MED13L: variants seen among roughly 807,000 people sequenced by gnomAD.
The protein encoded by MED13L is mediator complex subunit 13L.
In MED13L, 7 loss-of-function variants were observed where a neutral mutation model predicts 220.9. The ratio of observed to expected loss-of-function variants is 0.03; its 90% CI spans 0.02 to 0.06. The LOEUF is 0.06. Among genes scored for constraint, MED13L ranks in the 10% least tolerant of loss-of-function variants. The probability of loss-of-function intolerance (pLI) is 1.00; values close to 1 mark genes in which losing one functional copy is unlikely to be tolerated. For synonymous variants in MED13L, 1,011 were observed against 1,015.2 expected, an observed-to-expected ratio of 1.00 and a Z score of 0.08; for missense variants, 1,965 against 2,760.5, an observed-to-expected ratio of 0.71 and a Z score of 6.46.
intron 2 of MED13L, among the ~76,000 whole-genome samples, chr12:116,200,811 T>G (rs188415618): frequency 6.1e-4 from 93 of 152,330 alleles, no homozygotes; most frequent in South Asian, 5.4e-3. Context: ...GCAAGTTAGA[T>G]TTTTTTAATA....
At chr12:116,040,153 T>C (rs1881439846) in intron 4 of MED13L, among the ~76,000 whole-genome samples, 1 of 152,228 alleles carries the variant, frequency 6.6e-6, no homozygotes, top group Non-Finnish European at 1.5e-5. Flanking sequence ...TTTTTTTCCT[T>C]AATTTTTGTT....
chr12:116,276,182 A>C (rs975051902), intron 1 of MED13L, among the ~76,000 whole-genome samples: 1 of 152,170 alleles, frequency 6.6e-6, no homozygotes, highest in South Asian at 2.1e-4. Flanking sequence ...TGACACCCTA[A>C]CTGCTTCAAG....
chr12:115,983,485 G>A lies in MED13L; in HGVS notation c.4587C>T (p.Tyr1529=), dbSNP rs1877480283. Residue 1529 remains tyrosine, a synonymous_variant, in exon 21 of 31, where the codon TAC becomes TAT. Transcript: ENST00000281928. ...LDSSLLIPPK[Y]QTPPAAAQGQ... Reference sequence around the variant, plus strand: ...CCTGTGCTGCTGCTGGTGGGGTCTGGTATTTAGGTGGTATCAATAGGCTGC... The same window carrying A: ...CCTGTGCTGCTGCTGGTGGGGTCTGATATTTAGGTGGTATCAATAGGCTGC... 1.9e-6 allele frequency: 3 copies of A among 1,614,124 alleles called. No homozygotes were observed. Among genetic ancestry groups the A allele is most frequent in the Non-Finnish European group, 2.5e-6 (3 of 1,180,000 alleles).
chr12:116,122,414 G>C (rs950317539), intron 2 of MED13L, among the ~76,000 whole-genome samples: 4 of 152,130 alleles, frequency 2.6e-5, no homozygotes, highest in Non-Finnish European at 4.4e-5. Context: ...ATCTATATTT[G>C]AAGTCATTAA....
At chr12:116,099,094 G>T (rs886451600) in intron 3 of MED13L, among the ~76,000 whole-genome samples, 4 of 152,172 alleles carry the variant, frequency 2.6e-5, no homozygotes, top group Admixed American at 2.6e-4. Context: ...AATAAAAGAT[G>T]AGTGTTACAA....
intron 2 of MED13L, among the ~76,000 whole-genome samples, chr12:116,233,975 C>T (rs1353222348): frequency 6.6e-6 from 1 of 151,884 alleles, no homozygotes; most frequent in African/African-American, 2.4e-5. Context: ...GTGTGTGTAC[C>T]CTGTAGGATT....
chr12:116,092,780 G>T (rs1026925440), intron 4 of MED13L, among the ~76,000 whole-genome samples: 3 of 151,978 alleles, frequency 2.0e-5, no homozygotes, highest in Non-Finnish European at 2.9e-5. Flanking sequence ...TGGTGGGGGG[G>T]GTGTGTGCAC....
chr12:116,076,858 T>G (rs1870843266), intron 4 of MED13L, among the ~76,000 whole-genome samples: 2 of 152,220 alleles, frequency 1.3e-5, no homozygotes, highest in African/African-American at 4.8e-5. Flanking sequence ...CACCATCTTT[T>G]ATACATCTTG....
At chr12:116,253,946 A>G (rs1230613904) in intron 1 of MED13L, among the ~76,000 whole-genome samples, 1 of 151,680 alleles carries the variant, frequency 6.6e-6, no homozygotes, top group African/African-American at 2.4e-5. Context: ...TTTTTAGTAG[A>G]GACGGGGTTT....
chr12:116,124,936 T>C (rs775133697), intron 2 of MED13L, among the ~76,000 whole-genome samples: 3 of 152,194 alleles, frequency 2.0e-5, no homozygotes, highest in Admixed American at 6.5e-5. Flanking sequence ...TGAAAGATCA[T>C]AGTTAAACCA....
At chr12:116,044,264 C>CA (rs145135904) in intron 4 of MED13L, among the ~76,000 whole-genome samples, 23,226 of 152,032 alleles carry the variant, frequency 0.15, 1,975 homozygotes, top group Middle Eastern at 0.23. Context: ...TAAGTGTTTT[C>CA]AAAAAAATTA....
chr12:116,061,663 T>C (rs780569255), intron 4 of MED13L, among the ~76,000 whole-genome samples: 4 of 152,136 alleles, frequency 2.6e-5, no homozygotes, highest in Non-Finnish European at 2.9e-5. Context: ...AGTTTGGGAA[T>C]AGATTTTAAA....
At chr12:116,209,304 G>A (rs539863921) in intron 2 of MED13L, among the ~76,000 whole-genome samples, 1 of 152,238 alleles carries the variant, frequency 6.6e-6, no homozygotes, top group South Asian at 2.1e-4. Context: ...ACAAACCAAG[G>A]AGGTGTACCT....
At chr12:115,973,155 G>T (rs930832341) in intron 25 of MED13L, among the ~76,000 whole-genome samples, 4 of 152,154 alleles carry the variant, frequency 2.6e-5, no homozygotes, top group African/African-American at 7.2e-5. Flanking sequence ...GGAACATGAA[G>T]AATGTTTGTT....
intron 2 of MED13L, among the ~76,000 whole-genome samples, chr12:116,135,164 G>T (rs55797727): frequency 6.6e-6 from 1 of 152,094 alleles, no homozygotes; most frequent in Non-Finnish European, 1.5e-5. Flanking sequence ...GCGAGACCCC[G>T]TCTCAAACAA....
intron 1 of MED13L, among the ~76,000 whole-genome samples, chr12:116,269,114 A>G (rs1321354554): frequency 1.3e-5 from 2 of 152,164 alleles, no homozygotes; most frequent in African/African-American, 4.8e-5. Context: ...GCTGGAGTGC[A>G]GTGGCACAAT....
intron 4 of MED13L, among the ~76,000 whole-genome samples, chr12:116,051,752 G>T (rs1868525138): frequency 6.6e-6 from 1 of 152,134 alleles, no homozygotes; most frequent in Non-Finnish European, 1.5e-5. Context: ...GTGAAACAAA[G>T]TTTTGACTGT....
intron 2 of MED13L, among the ~76,000 whole-genome samples, chr12:116,198,460 T>C (rs1307538411): frequency 2.6e-5 from 4 of 152,158 alleles, no homozygotes; most frequent in Admixed American, 6.5e-5. Context: ...GCCGCCTACA[T>C]TTGCAATACT....
intron 2 of MED13L, among the ~76,000 whole-genome samples, chr12:116,116,020 T>C (rs1278929642): frequency 6.6e-6 from 1 of 152,194 alleles, no homozygotes; most frequent in Admixed American, 6.5e-5. Context: ...AATATGACAA[T>C]ATCCCGTCGT....
Sources: allele counts gnomAD v4.1 joint callset (sites outside exome capture counted in the v4.1 genomes callset), GRCh38; gene constraint gnomAD v4.1.1; transcripts MANE v1.5; gene names NCBI Gene and HGNC (gene_info 2026-07-23, HGNC 2026-07-21).